SLC4A7: variants seen among roughly 807,000 people sequenced by gnomAD.
SLC4A7 encodes solute carrier family 4 member 7.
In SLC4A7, 51 loss-of-function variants were observed where a neutral mutation model predicts 137.6. That is an observed-to-expected ratio of 0.37 (90% CI 0.30 to 0.47). The LOEUF (loss-of-function observed/expected upper bound fraction) is 0.47, where lower values mean the gene tolerates loss of function less well. SLC4A7 is among the 20% of genes least tolerant of loss of function. The pLI is 1.00. For missense variants in SLC4A7, 1,247 were observed against 1,525.4 expected, an observed-to-expected ratio of 0.82 and a Z score of 3.04; for synonymous variants, 542 against 518.6, an observed-to-expected ratio of 1.05 and a Z score of -0.61.
chr3:27,445,967 T>A (rs1281099560), intron 3 of SLC4A7, among the ~76,000 whole-genome samples: 60 of 15,906 alleles, frequency 3.8e-3, no homozygotes, highest in Middle Eastern at 0.062. Context: ...AAAAAAAATA[T>A]ATATATATAT....
chr3:27,462,951 A>G (rs1242352879), intron 1 of SLC4A7: 1 of 152,322 alleles, frequency 6.6e-6, no homozygotes, highest in African/African-American at 2.4e-5. Flanking sequence ...ATGAACAACG[A>G]GTTACAATTA....
At chr3:27,442,062 G>T (rs1311337621) in intron 3 of SLC4A7, among the ~76,000 whole-genome samples, 1 of 151,844 alleles carries the variant, frequency 6.6e-6, no homozygotes, top group Non-Finnish European at 1.5e-5. Flanking sequence ...TTTTAGTAGA[G>T]ACGGGGTTTC....
At chr3:27,456,188 T>C (rs774695719) in intron 1 of SLC4A7, among the ~76,000 whole-genome samples, 7 of 152,204 alleles carry the variant, frequency 4.6e-5, no homozygotes, top group Admixed American at 6.5e-5. Context: ...CCCTAAGGTT[T>C]ACAAAAATCC....
At position 27,414,045 on chromosome 3, in the gene SLC4A7, C is replaced by CGA. The variant is rs1035517249; in HGVS notation, c.1660-2299_1660-2298dup. 2.3e-4 allele frequency among the ~76,000 whole-genome samples: 35 copies of CGA among 152,188 alleles called. 1 individual carries two copies. Among genetic ancestry groups the CGA allele is most frequent in the African/African-American group, 7.9e-4 (33 of 41,536 alleles). ...TTGTAATCCCAGCACTTTGGGAGAC[C>CGA]GAGGCAGGTGGATCACCTGAGGTCA... is the stretch of plus-strand genomic sequence containing the variant. On this transcript the variant is annotated intron_variant, in intron 11 of 25. Coordinates refer to ENST00000454389, the MANE Select transcript of SLC4A7 (RefSeq NM_001321103.2).
rs2049690876 is a variant in SLC4A7, at chr3:27,373,400, A to G, written c.*3364T>C. 6.6e-6 allele frequency: 1 copy of G among 152,188 alleles called. No individual in the cohort carries two copies. Among genetic ancestry groups the G allele is most frequent in the Admixed American group, 6.5e-5 (1 of 15,282 alleles). 9.4% of individuals were successfully genotyped at this position (152,188 alleles called of 1,614,324 possible). A position where few individuals can be genotyped will look rare whatever the true frequency, so the allele number is the denominator to read the frequency against. Reference sequence around the variant, plus strand: ...TCTTTAAACTTACTTTCTAAAATAAATAATTGTTGGAATAAACCAAAAGAC... The same window carrying G: ...TCTTTAAACTTACTTTCTAAAATAAGTAATTGTTGGAATAAACCAAAAGAC... On this transcript the variant is annotated 3_prime_UTR_variant, in exon 26 of 26. Transcript: ENST00000454389.
At position 27,474,064 on chromosome 3, in the gene SLC4A7, A is replaced by G. The variant is rs563621343; in HGVS notation, c.60+10003T>C. 7.2e-5 allele frequency among the ~76,000 whole-genome samples: 11 copies of G among 152,310 alleles called. No individual in the cohort carries two copies. The South Asian group carries it at 1.7e-3, about 23-fold the overall frequency. On this transcript the variant is annotated intron_variant, in intron 1 of 25. Coordinates refer to ENST00000454389, the MANE Select transcript of SLC4A7 (RefSeq NM_001321103.2). ...CTATCTTACGCCTATTCGACTGAAC[A>G]CTATGCTAAGCTCTCTGACTTTCTA...
At chr3:27,443,558 T>C (rs192866786) in intron 3 of SLC4A7, among the ~76,000 whole-genome samples, 77 of 152,274 alleles carry the variant, frequency 5.1e-4, no homozygotes, top group African/African-American at 1.8e-3. Context: ...CTCCTTACAA[T>C]GTGCCCTATT....
chr3:27,437,619 CT>C (rs1375943348), intron 3 of SLC4A7, 93 bp from the exon 4 acceptor site: 7 of 659,556 alleles, frequency 1.1e-5, no homozygotes, highest in African/African-American at 1.9e-5. Context: ...CTTTTGTTAC[CT>C]GTATAAACAA....
intron 1 of SLC4A7, among the ~76,000 whole-genome samples, chr3:27,479,348 G>T (rs149596809): frequency 1.8e-4 from 27 of 152,122 alleles, no homozygotes; most frequent in African/African-American, 6.3e-4. Context: ...CAGGAAGTTG[G>T]GGCTGCAGTG....
intron 11 of SLC4A7, among the ~76,000 whole-genome samples, chr3:27,412,073 A>G (rs1028933817): frequency 1.3e-5 from 2 of 152,168 alleles, no homozygotes; most frequent in African/African-American, 4.8e-5. Flanking sequence ...TAACCTCCAA[A>G]AAAGCATCTC....
rs2049799521 is a variant in SLC4A7 at position 27,374,924 on chromosome 3, TA to T, written c.*1839del. On this transcript the variant is annotated 3_prime_UTR_variant, in exon 26 of 26. Coordinates refer to ENST00000454389, the MANE Select transcript of SLC4A7 (RefSeq NM_001321103.2). ...AAGGAATCATTACAATGGAAGCTCA[TA>T]AACAATAATAAGCACCGTGGGTAAT... The T allele has an allele frequency of 6.6e-6, 1 of 152,452 alleles. No individual in the cohort carries two copies. The highest frequency in any genetic ancestry group is 3.2e-3 in the Middle Eastern group (1 of 316). The allele number at this position is 152,452 out of a possible 1,614,324, so 9.4% of individuals were successfully genotyped here. A position where few individuals can be genotyped will look rare whatever the true frequency, so the allele number is the denominator to read the frequency against.
chr3:27,409,000 C>T (rs183620722), intron 13 of SLC4A7, among the ~76,000 whole-genome samples: 4 of 152,232 alleles, frequency 2.6e-5, no homozygotes, highest in East Asian at 1.9e-4. Context: ...TATGAAGTAG[C>T]CCCACTGATA....
Position 27,433,994 on chromosome 3 carries a change from T to C in SLC4A7, c.700A>G (p.Thr234Ala). ...GATCGAACAAGAGGAATCCGACTGGTGAATCTTTTCTCATTCTGATGATGA... is the reference window on the plus strand; with the variant it reads ...GATCGAACAAGAGGAATCCGACTGGCGAATCTTTTCTCATTCTGATGATGA... Reference protein sequence around the residue: ...RHHHQNEKRFTSRIPLVRSFA... With the variant: ...RHHHQNEKRFASRIPLVRSFA... Residue 234 changes from threonine to alanine, a missense_variant, in exon 6 of 26, where the codon ACC (threonine) becomes GCC (alanine). Thr to Ala is a moderately conservative substitution (Grantham distance 58). Transcript: ENST00000454389. The C allele has an allele frequency of 1.2e-6, 2 of 1,613,964 alleles. No individual in the cohort carries two copies. The highest frequency in any genetic ancestry group is 1.1e-5 in the South Asian group (1 of 91,074).
intron 20 of SLC4A7, 89 bp downstream of exon 20, chr3:27,394,429 T>C (rs1234454078): frequency 8.4e-7 from 1 of 1,185,944 alleles, no homozygotes; most frequent in Non-Finnish European, 1.2e-6. Flanking sequence ...ATTTTAGGTA[T>C]TTTAAGTATA....
intron 3 of SLC4A7, among the ~76,000 whole-genome samples, chr3:27,447,883 T>C (rs552331401): frequency 6.6e-6 from 1 of 152,022 alleles, no homozygotes; most frequent in South Asian, 2.1e-4. Context: ...TCCAGCCTAG[T>C]GGATAAAATC....
At chr3:27,413,667 T>C (rs2054117627) in intron 11 of SLC4A7, among the ~76,000 whole-genome samples, 1 of 152,206 alleles carries the variant, frequency 6.6e-6, no homozygotes. Context: ...CATCAATTTA[T>C]ATTTTAAATG....
In SLC4A7 at chr3:27,379,254, G is replaced by T; in HGVS notation, c.3693C>A (p.Asn1231Lys). ...NTENAKVTRSNMSPDKPVSVK... is the reference protein window; with the variant it reads ...NTENAKVTRSKMSPDKPVSVK... ...ACACAAATAGTTATAACTACCTCAT[G>T]TTAGATCTGGTTACTTTGGCATTCT... Residue 1231 changes from asparagine (N) to lysine (K), a missense_variant, in exon 25 of 26, where the codon AAC (asparagine) becomes AAA (lysine). Around this residue, in one of 6 missense-constraint regions of SLC4A7, gnomAD observed 290 missense variants for 323.8 expected, o/e 0.90. Transcript: ENST00000454389. 6.6e-7 allele frequency: 1 copy of T among 1,519,256 alleles called. No homozygotes were observed. The highest frequency in any genetic ancestry group is 8.8e-7 in the Non-Finnish European group (1 of 1,131,502). The allele number at this position is 1,519,256 out of a possible 1,614,324, so 94.1% of individuals were successfully genotyped here.
Position 27,431,330 on chromosome 3 carries a change from T to G in SLC4A7, c.1118A>C (p.Gln373Pro). 6.2e-7 allele frequency: 1 copy of G among 1,603,004 alleles called. No individual in the cohort carries two copies. Among genetic ancestry groups the G allele is most frequent in the East Asian group, 2.2e-5 (1 of 44,704 alleles). ...TAAGTCAACATTTTCCTCATTCTTC[T>G]GCTCCTCGCCTTTCAGCGCTGCTTC... ...DLEAALKGEE[Q>P]KNEENVDLTP... Residue 373 changes from glutamine (Q) to proline (P), a missense_variant, in exon 7 of 26, where the codon CAG becomes CCG. By Grantham distance (76) the Gln-to-Pro change is moderately conservative. Transcript: ENST00000454389.
intron 24 of SLC4A7, among the ~76,000 whole-genome samples, chr3:27,381,184 C>A (rs752028958): frequency 2.0e-5 from 3 of 152,140 alleles, no homozygotes; most frequent in Non-Finnish European, 4.4e-5. Context: ...CTTATGACAC[C>A]ACTTAAAAGA....
Sources: gnomAD v4.1 joint callset for allele counts (sites outside exome capture counted in the v4.1 genomes callset) on GRCh38, gnomAD v4.1.1 for gene constraint, gnomAD v4.1.1 regional missense constraint, MANE v1.5 for transcripts, NCBI Gene and HGNC (gene_info 2026-07-23, HGNC 2026-07-21) for gene names.